Variants in CDH4 observed in about 807,000 individuals in gnomAD.
CDH4 encodes cadherin 4, also known as cadherin-4.
A neutral mutation model predicts 86.0 loss-of-function variants in CDH4; 33 were observed. The ratio of observed to expected loss-of-function variants is 0.38; its 90% CI spans 0.29 to 0.51. The LOEUF (loss-of-function observed/expected upper bound fraction) is 0.51, where lower values mean the gene tolerates loss of function less well. Among genes scored for constraint, CDH4 ranks in the 20% least tolerant of loss-of-function variants. The pLI, the probability that CDH4 is intolerant of heterozygous loss-of-function variation, is 0.86. For missense variants in CDH4, 1,114 were observed against 1,307.4 expected, an observed-to-expected ratio of 0.85 and a Z score of 2.28; for synonymous variants, 555 against 549.4, an observed-to-expected ratio of 1.01 and a Z score of -0.14.
At chr20:61,524,935 G>A (rs755769250) in intron 2 of CDH4, among the ~76,000 whole-genome samples, 11 of 152,088 alleles carry the variant, frequency 7.2e-5, no homozygotes, top group Non-Finnish European at 1.2e-4. Flanking sequence ...TCCTCACCCT[G>A]TCCACCTCCA....
At chr20:61,539,325 T>C (rs2086022011) in intron 2 of CDH4, among the ~76,000 whole-genome samples, 1 of 152,198 alleles carries the variant, frequency 6.6e-6, no homozygotes, top group Non-Finnish European at 1.5e-5. Flanking sequence ...GCACCACTCC[T>C]TGGGGGCTTA....
At chr20:61,573,152 T>C (rs373719032) in intron 2 of CDH4, among the ~76,000 whole-genome samples, 52 of 152,280 alleles carry the variant, frequency 3.4e-4, no homozygotes, top group African/African-American at 1.3e-3. Context: ...TGCACAGTCC[T>C]TTCTTCAGAG....
At chr20:61,484,422 A>T (rs1052889919) in intron 2 of CDH4, among the ~76,000 whole-genome samples, 1 of 152,096 alleles carries the variant, frequency 6.6e-6, no homozygotes, top group Non-Finnish European at 1.5e-5. Flanking sequence ...CAGTGCCCTC[A>T]CTGGGCACGA....
intron 2 of CDH4, among the ~76,000 whole-genome samples, chr20:61,482,396 C>T (rs999530923): frequency 2.6e-5 from 4 of 152,198 alleles, no homozygotes; most frequent in Admixed American, 6.5e-5. Context: ...ATCAGAGTGG[C>T]TTCATTTAGT....
intron 3 of CDH4, among the ~76,000 whole-genome samples, chr20:61,747,451 A>C (rs996461780): frequency 1.4e-4 from 21 of 151,638 alleles, no homozygotes; most frequent in African/African-American, 5.1e-4. Context: ...GTCTCAAAAA[A>C]AAAAAAAAAA....
chr20:61,899,321 A>G (rs1985276381), intron 8 of CDH4, among the ~76,000 whole-genome samples: 1 of 151,824 alleles, frequency 6.6e-6, no homozygotes. Context: ...GTGGTATATC[A>G]TTGTTGTAGT....
intron 8 of CDH4, among the ~76,000 whole-genome samples, chr20:61,909,256 T>C (rs750672160): frequency 2.6e-5 from 4 of 152,122 alleles, no homozygotes; most frequent in African/African-American, 9.7e-5. Context: ...GGGTACCTGA[T>C]CACAGCACCG....
rs1481397702 is a variant in CDH4, at chr20:61,928,246, G to A, written c.1828G>A (p.Asp610Asn). Reference sequence around the variant, plus strand: ...CCAGATCTATCTCATTGACATCAACGACAACGCCCCTGAGCTGCTGCCCAA... The same window carrying A: ...CCAGATCTATCTCATTGACATCAACAACAACGCCCCTGAGCTGCTGCCCAA... ...TLQIYLIDIN[D>N]NAPELLPKEA... Residue 610 changes from aspartate (D) to asparagine (N), a missense_variant, in exon 12 of 16, where the codon GAC becomes AAC. This residue lies in a region of CDH4 where 705 missense variants were observed against 914.1 expected (regional missense o/e 0.77). Transcript: ENST00000614565. 3 of 1,606,966 alleles carry A rather than the reference G, an allele frequency of 1.9e-6. No homozygotes were observed. Among genetic ancestry groups the A allele is most frequent in the Non-Finnish European group, 2.5e-6 (3 of 1,179,978 alleles).
intron 2 of CDH4, among the ~76,000 whole-genome samples, chr20:61,281,031 G>A (rs2084255817): frequency 6.6e-6 from 1 of 152,226 alleles, no homozygotes; most frequent in South Asian, 2.1e-4. Context: ...AGTTATTAAA[G>A]GAAACTAGGA....
At chr20:61,661,795 C>T (rs905001606) in intron 2 of CDH4, among the ~76,000 whole-genome samples, 3 of 152,118 alleles carry the variant, frequency 2.0e-5, no homozygotes, top group Admixed American at 6.5e-5. Context: ...CAAACACTGA[C>T]GCGGCTCGTA....
At chr20:61,732,789 T>C (rs934313082) in intron 2 of CDH4, among the ~76,000 whole-genome samples, 4 of 152,092 alleles carry the variant, frequency 2.6e-5, no homozygotes, top group Admixed American at 6.5e-5. Flanking sequence ...AATGGATAAG[T>C]GGGAGAAAGG....
intron 2 of CDH4, among the ~76,000 whole-genome samples, chr20:61,652,227 C>T (rs2087128843): frequency 2.0e-5 from 3 of 152,184 alleles, no homozygotes; most frequent in South Asian, 4.1e-4. Flanking sequence ...TACAGAACCC[C>T]AGTATCCACG....
intron 2 of CDH4, among the ~76,000 whole-genome samples, chr20:61,620,015 A>G (rs1280167833): frequency 2.6e-5 from 4 of 152,196 alleles, no homozygotes; most frequent in Non-Finnish European, 5.9e-5. Flanking sequence ...TAATGGGCCC[A>G]GCATTCAGGG....
At chr20:61,889,972 TGATGGGTGGATGGATAGGTGGCTGATG>T (rs1361208076) in intron 7 of CDH4, among the ~76,000 whole-genome samples, 57 of 141,770 alleles carry the variant, frequency 4.0e-4, no homozygotes, top group African/African-American at 1.4e-3. Flanking sequence ...GATGGATGGA[TGATGGGTGGATGGATAGGTGGCTGATG>T]GATGGGTGGA....
intron 2 of CDH4, among the ~76,000 whole-genome samples, chr20:61,602,100 T>C (rs1421111592): frequency 6.6e-6 from 1 of 152,138 alleles, no homozygotes; most frequent in Non-Finnish European, 1.5e-5. Flanking sequence ...GCCTGGCCCA[T>C]ACTGGGGGCT....
chr20:61,802,665 G>C (rs1979892395), intron 4 of CDH4, among the ~76,000 whole-genome samples: 1 of 152,246 alleles, frequency 6.6e-6, no homozygotes, highest in African/African-American at 2.4e-5. Context: ...TGGCTGCAAA[G>C]GAAATGGAGA....
Position 61,582,397 on chromosome 20 carries a change from C to T in CDH4, c.170-161166C>T, listed in dbSNP as rs1001417747. On this transcript the variant is annotated intron_variant, in intron 2 of 15. Coordinates refer to ENST00000614565, the MANE Select transcript of CDH4 (RefSeq NM_001794.5). The surrounding 1 kb of genome is among the most constrained non-coding windows in gnomAD (Gnocchi z 4.2). Reference sequence around the variant, plus strand: ...CCCTGGGGCTTTCCCAGGGCCATCCCCCTGCCTGGGGCCCTGTCCGCAAGT... The same window carrying T: ...CCCTGGGGCTTTCCCAGGGCCATCCTCCTGCCTGGGGCCCTGTCCGCAAGT... Among the ~76,000 whole-genome samples the T allele has an allele frequency of 6.6e-6, 1 of 152,226 alleles. No individual in the cohort carries two copies. Among genetic ancestry groups the T allele is most frequent in the Non-Finnish European group, 1.5e-5 (1 of 68,032 alleles).
At chr20:61,699,252 G>C (rs1242413588) in intron 2 of CDH4, among the ~76,000 whole-genome samples, 1 of 152,198 alleles carries the variant, frequency 6.6e-6, no homozygotes, top group African/African-American at 2.4e-5. Context: ...AAATGCATTT[G>C]GGGGGATGCT....
intron 2 of CDH4, among the ~76,000 whole-genome samples, chr20:61,424,155 C>G (rs890264679): frequency 2.0e-5 from 3 of 151,082 alleles, no homozygotes; most frequent in African/African-American, 4.9e-5. Flanking sequence ...TGTATACACA[C>G]ATATCCACAC....
Sources: gnomAD v4.1 joint callset for allele counts (sites outside exome capture counted in the v4.1 genomes callset) on GRCh38, gnomAD v4.1.1 for gene constraint, gnomAD v4.1.1 regional missense constraint, Gnocchi (gnomAD v3.1) non-coding constraint, MANE v1.5 for transcripts, NCBI Gene and HGNC (gene_info 2026-07-23, HGNC 2026-07-21) for gene names.